CECR2: variants seen among roughly 807,000 people sequenced by gnomAD.
CECR2 encodes CECR2 histone acetyl-lysine reader.
In CECR2, 30 loss-of-function variants were observed where a neutral mutation model predicts 154.5. The observed-to-expected ratio is 0.19, with a 90% CI of 0.15 to 0.26. CECR2 has a LOEUF of 0.26. Among genes scored for constraint, CECR2 ranks in the 10% least tolerant of loss-of-function variants. CECR2 has a pLI of 1.00. For missense variants in CECR2, 1,743 were observed against 1,829.3 expected (o/e 0.95, Z 0.86); for synonymous variants, 725 against 683.7 (o/e 1.06, Z -0.94).
chr22:17,503,589 A>G (rs722751), intron 6 of CECR2, among the ~76,000 whole-genome samples: 1 of 152,146 alleles, frequency 6.6e-6, no homozygotes, highest in African/African-American at 2.4e-5. Flanking sequence ...AAGACTCAAA[A>G]TCAAAACCAT....
chr22:17,457,868 A>C (rs1039129916), intron 1 of CECR2, among the ~76,000 whole-genome samples: 2 of 152,226 alleles, frequency 1.3e-5, no homozygotes, highest in African/African-American at 4.8e-5. Flanking sequence ...GAGACATTTC[A>C]AGGAAATTGT....
intron 2 of CECR2, among the ~76,000 whole-genome samples, chr22:17,487,661 C>T (rs945969997): frequency 1.3e-5 from 2 of 152,098 alleles, no homozygotes; most frequent in African/African-American, 2.4e-5. Context: ...CATGCACAAG[C>T]CTGGGTGTCT....
intron 1 of CECR2, among the ~76,000 whole-genome samples, chr22:17,381,092 C>T (rs943250033): frequency 1.2e-4 from 8 of 64,834 alleles, no homozygotes; most frequent in Middle Eastern, 0.011. Flanking sequence ...CATTGTTGTA[C>T]ACGGGGGTGG....
intron 10 of CECR2, 35 bp from the exon 11 acceptor site, chr22:17,538,485 G>T (rs549250702): frequency 6.2e-7 from 1 of 1,600,136 alleles, no homozygotes; most frequent in Non-Finnish European, 8.6e-7. Context: ...AAGGTGGTCA[G>T]AGTTACTATT....
intron 2 of CECR2, among the ~76,000 whole-genome samples, chr22:17,478,767 G>A (rs578015849): frequency 6.6e-6 from 1 of 152,276 alleles, no homozygotes; most frequent in Non-Finnish European, 1.5e-5. Flanking sequence ...TGTAAATGCT[G>A]TTTTTCTCAG....
intron 1 of CECR2, among the ~76,000 whole-genome samples, chr22:17,473,458 C>A (rs2055160738): frequency 6.6e-6 from 1 of 152,148 alleles, no homozygotes; most frequent in Admixed American, 6.5e-5. Context: ...TAAGTAGTAA[C>A]CTGGATTTCC....
intron 7 of CECR2, among the ~76,000 whole-genome samples, chr22:17,511,269 T>C (rs1187668139): frequency 6.6e-6 from 1 of 152,238 alleles, no homozygotes; most frequent in East Asian, 1.9e-4. Context: ...TGAAATTTCC[T>C]ATAAGGACTG....
chr22:17,515,002 G>T (rs1029260455), intron 8 of CECR2, among the ~76,000 whole-genome samples: 7 of 148,008 alleles, frequency 4.7e-5, no homozygotes, highest in Non-Finnish European at 1.0e-4. Context: ...CAGCCTGGGC[G>T]ACAGAGCAAG....
At chr22:17,387,349 G>T (rs537682433) in intron 1 of CECR2, among the ~76,000 whole-genome samples, 2 of 152,308 alleles carry the variant, frequency 1.3e-5, no homozygotes, top group South Asian at 4.1e-4. Flanking sequence ...CTGGGCCAAT[G>T]AAATTTCCAT....
intron 1 of CECR2, among the ~76,000 whole-genome samples, chr22:17,447,743 T>C (rs2054698317): frequency 6.6e-6 from 1 of 152,026 alleles, no homozygotes; most frequent in Non-Finnish European, 1.5e-5. Context: ...GCAGTTTTAG[T>C]GTGCAGCCAG....
intron 8 of CECR2, among the ~76,000 whole-genome samples, chr22:17,522,142 T>G (rs2056170065): frequency 6.6e-6 from 1 of 152,210 alleles, no homozygotes. Context: ...CCATGCTGTT[T>G]TGGTTACTGT....
intron 9 of CECR2, among the ~76,000 whole-genome samples, chr22:17,533,797 A>G (rs1240974170): frequency 6.7e-6 from 1 of 149,074 alleles, no homozygotes; most frequent in Non-Finnish European, 1.5e-5. Context: ...GCTCACCGCA[A>G]CCTCCGCCTC....
intron 2 of CECR2, among the ~76,000 whole-genome samples, chr22:17,491,506 C>A (rs1376592503): frequency 1.4e-5 from 2 of 139,038 alleles, no homozygotes; most frequent in Non-Finnish European, 3.0e-5. Flanking sequence ...TTAATGCTTT[C>A]TTTTAGGCAC....
chr22:17,494,427 G>T (rs1031165086), intron 2 of CECR2, among the ~76,000 whole-genome samples: 1 of 152,146 alleles, frequency 6.6e-6, no homozygotes, highest in Non-Finnish European at 1.5e-5. Flanking sequence ...TCTTTGCCCG[G>T]CTCCTCACTC....
intron 1 of CECR2, among the ~76,000 whole-genome samples, chr22:17,471,661 C>T (rs1220107058): frequency 3.3e-5 from 5 of 151,782 alleles, no homozygotes; most frequent in African/African-American, 7.3e-5. Flanking sequence ...TCAGCCTCCC[C>T]GGTAGTTGGG....
At position 17,370,560 on chromosome 22, in the gene CECR2, A is replaced by AT. The variant is rs542049891; in HGVS notation, c.126+651_126+652insT. 3.1e-4 allele frequency among the ~76,000 whole-genome samples: 47 copies of AT among 152,202 alleles called. No homozygotes were observed. The East Asian group carries it at 5.8e-3, about 19-fold the overall frequency. On this transcript the variant is annotated intron_variant, in intron 1 of 18. Coordinates refer to ENST00000262608, the MANE Select transcript of CECR2 (RefSeq NM_001290047.2). ...TCTTCCACAGCGTCCTTCCTCCCGTAATATCCAGCCTCTTTATCGCGGGGC... is the reference window on the plus strand; with the variant it reads ...TCTTCCACAGCGTCCTTCCTCCCGTATATATCCAGCCTCTTTATCGCGGGGC...
At chr22:17,460,921 G>A (rs1204330286) in intron 1 of CECR2, among the ~76,000 whole-genome samples, 1 of 152,200 alleles carries the variant, frequency 6.6e-6, no homozygotes, top group Admixed American at 6.5e-5. Flanking sequence ...GTTAGCAGCA[G>A]TGTTTCATCC....
intron 1 of CECR2, among the ~76,000 whole-genome samples, chr22:17,458,790 T>C (rs191886656): frequency 3.9e-5 from 6 of 152,192 alleles, no homozygotes; most frequent in Admixed American, 2.0e-4. Flanking sequence ...TTGCTGACTT[T>C]TTTTGTTATG....
At chr22:17,515,792 C>T (rs1455622864) in intron 8 of CECR2, among the ~76,000 whole-genome samples, 2 of 151,964 alleles carry the variant, frequency 1.3e-5, no homozygotes, top group African/African-American at 4.8e-5. Flanking sequence ...TCTCCTGCCT[C>T]AGCCTCCCAA....
Sources: gnomAD v4.1 joint callset for allele counts (sites outside exome capture counted in the v4.1 genomes callset) on GRCh38, gnomAD v4.1.1 for gene constraint, MANE v1.5 for transcripts, NCBI Gene and HGNC (gene_info 2026-07-23, HGNC 2026-07-21) for gene names.